The following MARK1 variants were observed in gnomAD, a reference collection of about 807,000 sequenced individuals.
The protein encoded by MARK1 is microtubule affinity regulating kinase 1.
A neutral mutation model predicts 96.3 loss-of-function variants in MARK1; 40 were observed. That is an observed-to-expected ratio of 0.42 (90% CI 0.32 to 0.54). The LOEUF (loss-of-function observed/expected upper bound fraction) is 0.54, where lower values mean the gene tolerates loss of function less well. Among genes scored for constraint, MARK1 ranks in the 20% least tolerant of loss-of-function variants. The pLI is 0.16. For missense variants in MARK1, 719 were observed against 984.6 expected, an observed-to-expected ratio of 0.73 and a Z score of 3.61; for synonymous variants, 317 against 341.2, an observed-to-expected ratio of 0.93 and a Z score of 0.78.
chr1:220,593,901 C>T (rs1665157234), intron 3 of MARK1, among the ~76,000 whole-genome samples: 1 of 152,102 alleles, frequency 6.6e-6, no homozygotes, highest in African/African-American at 2.4e-5. Flanking sequence ...GATAATCACC[C>T]AGATTCCAGG....
At chr1:220,600,717 T>G (rs1344975256) in intron 5 of MARK1, among the ~76,000 whole-genome samples, 1 of 152,148 alleles carries the variant, frequency 6.6e-6, no homozygotes, top group Non-Finnish European at 1.5e-5. Context: ...GGCTGGTTGA[T>G]TTTTTGCTAA....
chr1:220,547,896 A>G (rs2102733223), intron 1 of MARK1, among the ~76,000 whole-genome samples: 1 of 152,312 alleles, frequency 6.6e-6, no homozygotes, highest in South Asian at 2.1e-4. Flanking sequence ...AGCCTGTCAC[A>G]CACATAATGC....
intron 1 of MARK1, among the ~76,000 whole-genome samples, chr1:220,576,453 C>T (rs1663856997): frequency 6.6e-6 from 1 of 151,166 alleles, no homozygotes; most frequent in Non-Finnish European, 1.5e-5. Context: ...TGACTAAACC[C>T]AAAGAGTGGG....
At chr1:220,619,528 A>T (rs1046418610) in intron 9 of MARK1, among the ~76,000 whole-genome samples, 1 of 152,226 alleles carries the variant, frequency 6.6e-6, no homozygotes, top group Admixed American at 6.5e-5. Flanking sequence ...TTAGTAAAGA[A>T]AATTTACAAA....
At chr1:220,623,733 A>T (rs1023449637) in intron 9 of MARK1, among the ~76,000 whole-genome samples, 3 of 151,926 alleles carry the variant, frequency 2.0e-5, no homozygotes, top group African/African-American at 7.3e-5. Flanking sequence ...CACCTATTGT[A>T]TTTTTTCCCG....
intron 1 of MARK1, among the ~76,000 whole-genome samples, chr1:220,534,871 G>A (rs529523254): frequency 1.4e-3 from 218 of 152,154 alleles, no homozygotes; most frequent in African/African-American, 4.9e-3. Context: ...CTTTTTTATA[G>A]CTGAATAATA....
At chr1:220,657,417 A>G (rs1669234727) in intron 16 of MARK1, among the ~76,000 whole-genome samples, 1 of 152,270 alleles carries the variant, frequency 6.6e-6, no homozygotes, top group African/African-American at 2.4e-5. Flanking sequence ...AGAATTATAC[A>G]TAATTACAAA....
At chr1:220,627,280 A>G in intron 9 of MARK1, 1 of 501,426 alleles carries the variant, frequency 2.0e-6, no homozygotes, top group Non-Finnish European at 4.1e-6. Context: ...TGATGAGGTG[A>G]GAGAGGGTGG....
At chr1:220,634,391 C>G (rs10779413) in intron 11 of MARK1, among the ~76,000 whole-genome samples, 87,882 of 152,010 alleles carry the variant, frequency 0.58, 26,763 homozygotes, top group Non-Finnish European at 0.68. Context: ...TAAGCACCCC[C>G]ACCCCTGCCC....
chr1:220,627,497 A>C (rs1327049299), intron 9 of MARK1: 1 of 404,620 alleles, frequency 2.5e-6, no homozygotes. Context: ...GCCTTTCTCC[A>C]CCAACACCTC....
chr1:220,631,596 A>G (rs1447384797), intron 10 of MARK1, among the ~76,000 whole-genome samples: 1 of 152,096 alleles, frequency 6.6e-6, no homozygotes, highest in African/African-American at 2.4e-5. Context: ...GCCCATACCC[A>G]ACCAGAGCTC....
chr1:220,616,433 G>A (rs552766351), intron 7 of MARK1, among the ~76,000 whole-genome samples: 11 of 152,148 alleles, frequency 7.2e-5, no homozygotes, highest in Non-Finnish European at 1.6e-4. Context: ...TAGTACAAAT[G>A]AGCATACTTT....
chr1:220,633,068 G>T (rs149076381), intron 11 of MARK1, among the ~76,000 whole-genome samples: 2 of 152,094 alleles, frequency 1.3e-5, no homozygotes, highest in African/African-American at 4.8e-5. Context: ...GGTGAGAGGT[G>T]GGGGAGGTGC....
At chr1:220,584,862 C>T (rs1350006601) in intron 3 of MARK1, among the ~76,000 whole-genome samples, 4 of 152,136 alleles carry the variant, frequency 2.6e-5, no homozygotes, top group Non-Finnish European at 1.5e-5. Flanking sequence ...ATTGAAATAT[C>T]AGCTACTCTC....
At chr1:220,544,991 G>A (rs1661379786) in intron 1 of MARK1, among the ~76,000 whole-genome samples, 1 of 152,194 alleles carries the variant, frequency 6.6e-6, no homozygotes, top group African/African-American at 2.4e-5. Flanking sequence ...AGACAAACAA[G>A]TATAGTAGAA....
At chr1:220,625,948 G>T in intron 9 of MARK1, 1 of 547,002 alleles carries the variant, frequency 1.8e-6, no homozygotes, top group South Asian at 1.4e-5. Flanking sequence ...CCACAGGGAT[G>T]ACTACATTAA....
intron 13 of MARK1, among the ~76,000 whole-genome samples, chr1:220,638,012 T>A (rs1041101969): frequency 6.6e-6 from 1 of 152,296 alleles, no homozygotes; most frequent in South Asian, 2.1e-4. Context: ...TATCACCTTT[T>A]AGTCTGTGGA....
At chr1:220,601,188 G>A (rs1301844457) in intron 5 of MARK1, among the ~76,000 whole-genome samples, 2 of 151,934 alleles carry the variant, frequency 1.3e-5, no homozygotes, top group African/African-American at 2.4e-5. Flanking sequence ...AAAGTGCTGG[G>A]ATTACAGGCA....
At chr1:220,569,705 CAT>C (rs1334794105) in intron 1 of MARK1, among the ~76,000 whole-genome samples, 4 of 152,058 alleles carry the variant, frequency 2.6e-5, no homozygotes, top group Non-Finnish European at 4.4e-5. Flanking sequence ...TAACATATCA[CAT>C]ATGTTTGCAT....
Sources: allele counts gnomAD v4.1 joint callset (sites outside exome capture counted in the v4.1 genomes callset), GRCh38; gene constraint gnomAD v4.1.1; transcripts MANE v1.5; gene names NCBI Gene and HGNC (gene_info 2026-07-23, HGNC 2026-07-21).